ACOXL: variants seen among roughly 807,000 people sequenced by gnomAD.
The protein encoded by ACOXL is acyl-CoA oxidase like, also known as acyl-coenzyme A oxidase-like protein.
A neutral mutation model predicts 71.9 loss-of-function variants in ACOXL; 70 were observed. The ratio of observed to expected loss-of-function variants is 0.97; its 90% CI spans 0.80 to 1.19. The LOEUF (loss-of-function observed/expected upper bound fraction) is 1.19, where lower values mean the gene tolerates loss of function less well. ACOXL is among the 50% of genes most tolerant of loss of function. The probability of loss-of-function intolerance (pLI) is 0.00; values close to 1 mark genes in which losing one functional copy is unlikely to be tolerated. For synonymous variants in ACOXL, 253 were observed against 281.6 expected (o/e 0.90, Z 1.02); for missense variants, 703 against 736.3 (o/e 0.95, Z 0.52).
intron 10 of ACOXL, among the ~76,000 whole-genome samples, chr2:110,878,998 G>A (rs139054816): frequency 0.023 from 3,473 of 149,760 alleles, 80 homozygotes; most frequent in Middle Eastern, 0.057. Flanking sequence ...CGGAGGTTGC[G>A]GTGAGCTGAG....
chr2:111,043,990 T>C (rs934097310), intron 15 of ACOXL, among the ~76,000 whole-genome samples: 7 of 152,188 alleles, frequency 4.6e-5, no homozygotes, highest in African/African-American at 1.7e-4. Context: ...GCCCCTCCTA[T>C]GTGGGGCCCA....
At chr2:110,801,878 G>A (rs565687620) in intron 8 of ACOXL, among the ~76,000 whole-genome samples, 154 bp downstream of exon 8, 9 of 152,296 alleles carry the variant, frequency 5.9e-5, no homozygotes, top group Non-Finnish European at 1.2e-4. Context: ...GAAAAGATAC[G>A]TCTGCAGATA....
At chr2:111,052,455 G>A (rs991689837) in intron 16 of ACOXL, among the ~76,000 whole-genome samples, 1 of 152,028 alleles carries the variant, frequency 6.6e-6, no homozygotes, top group Admixed American at 6.6e-5. Context: ...CTGTGACTCA[G>A]TTTCCCATCT....
In ACOXL at chr2:110,908,651, C is replaced by G; in HGVS notation, c.789-138C>G. 1.2e-5 allele frequency: 8 copies of G among 686,898 alleles called. No individual in the cohort carries two copies. In the South Asian group the frequency reaches 1.5e-4, roughly 13 times the overall value. The allele number at this position is 686,898 out of a possible 1,614,324, so 42.6% of individuals were successfully genotyped here. A position where few individuals can be genotyped will look rare whatever the true frequency, so the allele number is the denominator to read the frequency against. ...GAAACTTAGGCTGTCTTGCCCTAAC[C>G]ACATTTTAGGAAATTCAGATTTCTG... On this transcript the variant is annotated intron_variant, in intron 10 of 17. Coordinates refer to ENST00000439055, the MANE Select transcript of ACOXL (RefSeq NM_001142807.4).
intron 14 of ACOXL, among the ~76,000 whole-genome samples, chr2:111,030,436 G>A (rs2149743401): frequency 6.6e-6 from 1 of 152,334 alleles, no homozygotes; most frequent in East Asian, 1.9e-4. Context: ...CCAGTTAGGT[G>A]TGGATCCCGA....
At chr2:110,750,108 A>G (rs1007644159) in intron 1 of ACOXL, among the ~76,000 whole-genome samples, 3 of 152,160 alleles carry the variant, frequency 2.0e-5, no homozygotes, top group African/African-American at 7.2e-5. Flanking sequence ...TCTCCACTGT[A>G]CAGTTACCTT....
intron 17 of ACOXL, among the ~76,000 whole-genome samples, chr2:111,111,668 T>C (rs1490931185): frequency 2.0e-5 from 3 of 152,254 alleles, no homozygotes; most frequent in African/African-American, 7.2e-5. Flanking sequence ...ATTAAGTGGT[T>C]AATGTTGATG....
At chr2:110,929,974 AC>A (rs2060419842) in intron 11 of ACOXL, among the ~76,000 whole-genome samples, 1 of 152,160 alleles carries the variant, frequency 6.6e-6, no homozygotes, top group Non-Finnish European at 1.5e-5. Context: ...CTCATGGAGA[AC>A]CTTTGCTAGG....
At chr2:110,783,402 G>A (rs752815192) in intron 2 of ACOXL, among the ~76,000 whole-genome samples, 1 of 152,206 alleles carries the variant, frequency 6.6e-6, no homozygotes, top group Non-Finnish European at 1.5e-5. Flanking sequence ...AATACAAGAT[G>A]CATTGGGTTG....
intron 15 of ACOXL, among the ~76,000 whole-genome samples, chr2:111,044,230 C>A (rs2065913514): frequency 6.6e-6 from 1 of 152,252 alleles, no homozygotes; most frequent in Non-Finnish European, 1.5e-5. Flanking sequence ...CTGGTCTAGA[C>A]ACTCAAGGTC....
At chr2:110,752,557 A>G (rs1417111558) in intron 1 of ACOXL, among the ~76,000 whole-genome samples, 1 of 151,350 alleles carries the variant, frequency 6.6e-6, no homozygotes, top group Non-Finnish European at 1.5e-5. Flanking sequence ...GGGATCTTGT[A>G]TGCTGGTCCT....
At chr2:110,851,597 C>T (rs1261648853) in intron 10 of ACOXL, among the ~76,000 whole-genome samples, 1 of 152,226 alleles carries the variant, frequency 6.6e-6, no homozygotes, top group African/African-American at 2.4e-5. Flanking sequence ...CTGTGTGGTG[C>T]TTCAGTGAGG....
chr2:110,827,778 G>A (rs1191050022), intron 9 of ACOXL, among the ~76,000 whole-genome samples: 1 of 151,900 alleles, frequency 6.6e-6, no homozygotes, highest in Non-Finnish European at 1.5e-5. Context: ...AGGAGAGGAG[G>A]GCAAGGGGAG....
At chr2:110,738,367 A>G (rs1238253897) in intron 1 of ACOXL, among the ~76,000 whole-genome samples, 1 of 152,198 alleles carries the variant, frequency 6.6e-6, no homozygotes, top group African/African-American at 2.4e-5. Context: ...ACAGTCTCTT[A>G]TCTAATAGCT....
chr2:111,063,799 A>G (rs1045161979), intron 16 of ACOXL, among the ~76,000 whole-genome samples: 1 of 152,236 alleles, frequency 6.6e-6, no homozygotes, highest in Non-Finnish European at 1.5e-5. Flanking sequence ...TACAGAAATA[A>G]AAGACATATC....
chr2:110,972,656 C>A (rs1315626833), intron 12 of ACOXL, among the ~76,000 whole-genome samples: 1 of 65,824 alleles, frequency 1.5e-5, no homozygotes, highest in Non-Finnish European at 4.4e-5. Flanking sequence ...CGTGCACACA[C>A]ACACACACAC....
chr2:110,968,061 C>T lies in ACOXL; in HGVS notation c.1060-19047C>T, dbSNP rs183938235. On this transcript the variant is annotated intron_variant, in intron 12 of 17. Coordinates refer to ENST00000439055, the MANE Select transcript of ACOXL (RefSeq NM_001142807.4). The stretch of plus-strand genomic sequence containing the variant: ...GTATAGAGGGGGATATGATAGTCTG[C>T]GCAGCATACGCACACGAACTGCCAA... 1,087 of 1,162,980 alleles carry T rather than the reference C, an allele frequency of 9.3e-4. 3 individuals are homozygous for T. The highest frequency in any genetic ancestry group is 4.0e-3 in the African/African-American group (269 of 66,524). The allele number at this position is 1,162,980 out of a possible 1,614,324, so 72.0% of individuals were successfully genotyped here.
intron 16 of ACOXL, among the ~76,000 whole-genome samples, chr2:111,091,757 C>A (rs781380716): frequency 4.6e-5 from 7 of 152,238 alleles, no homozygotes; most frequent in South Asian, 2.1e-4. Flanking sequence ...CCTTAAATAT[C>A]TTTCATAAAT....
At position 110,798,620 on chromosome 2, in the gene ACOXL, T is replaced by C. The variant is rs372532078; in HGVS notation, c.356T>C (p.Ile119Thr). The C allele has an allele frequency of 5.0e-6, 8 of 1,613,956 alleles. No individual in the cohort carries two copies. The highest frequency in any genetic ancestry group is 4.4e-5 in the South Asian group (4 of 91,078). Residue 119 changes from isoleucine (I) to threonine (T), a missense_variant, in exon 6 of 18, where the codon ATT becomes ACT. Physicochemically the swap from Ile to Thr is moderately conservative, Grantham distance 89 (BLOSUM62 -1). Transcript: ENST00000439055. ...GCTTTTTCTGTGTAGGAGTTTGTAA[T>C]TGACACGCCGTGTGAAAATGCGGAG... ...TFDLSAQEFV[I>T]DTPCENAEKM...
Sources: gnomAD v4.1 joint callset for allele counts (sites outside exome capture counted in the v4.1 genomes callset) on GRCh38, gnomAD v4.1.1 for gene constraint, MANE v1.5 for transcripts, NCBI Gene and HGNC (gene_info 2026-07-23, HGNC 2026-07-21) for gene names.